Variants in ZNF592 observed in about 807,000 individuals in gnomAD.
The protein encoded by ZNF592 is spinocerebellar ataxia, autosomal recessive 5.
A neutral mutation model predicts 80.3 loss-of-function variants in ZNF592; 11 were observed. The ratio of observed to expected loss-of-function variants is 0.14; its 90% CI spans 0.09 to 0.23. The LOEUF (loss-of-function observed/expected upper bound fraction) is 0.23, where lower values mean the gene tolerates loss of function less well. Among genes scored for constraint, ZNF592 ranks in the 10% least tolerant of loss-of-function variants. ZNF592 has a pLI of 1.00. For synonymous variants in ZNF592, 646 were observed against 640.3 expected (o/e 1.01, Z -0.13); for missense variants, 1,420 against 1,633.9 (o/e 0.87, Z 2.26).
chr15:84,794,747 G>C (rs1962847403), intron 5 of ZNF592, among the ~76,000 whole-genome samples: 1 of 152,198 alleles, frequency 6.6e-6, no homozygotes, highest in Non-Finnish European at 1.5e-5. Flanking sequence ...AAAGTGCTGG[G>C]ATTACAGACG....
Position 84,804,624 on chromosome 15 carries a change from G to A in ZNF592, c.*2231G>A, listed in dbSNP as rs1267730393. 2 of 152,170 alleles carry A rather than the reference G, an allele frequency of 1.3e-5. No homozygotes were observed. Among genetic ancestry groups the A allele is most frequent in the Admixed American group, 1.3e-4 (2 of 15,274 alleles). The allele number at this position is 152,170 out of a possible 1,614,324, so 9.4% of individuals were successfully genotyped here. On this transcript the variant is annotated 3_prime_UTR_variant, in exon 11 of 11. Coordinates refer to ENST00000560079, the MANE Select transcript of ZNF592 (RefSeq NM_014630.3). ...CAACTGGCTTCACAGGCTTTTGTGA[G>A]CTTATGAATGTGAAAGTATTTTCTA... is the stretch of plus-strand genomic sequence containing the variant.
At chr15:84,800,224 G>A (rs1963051457) in intron 10 of ZNF592, among the ~76,000 whole-genome samples, 1 of 152,208 alleles carries the variant, frequency 6.6e-6, no homozygotes, top group South Asian at 2.1e-4. Flanking sequence ...GGCCCCCTCT[G>A]TAGGGGTGTG....
At chr15:84,755,032 C>T (rs1344670785) in intron 1 of ZNF592, among the ~76,000 whole-genome samples, 3 of 137,024 alleles carry the variant, frequency 2.2e-5, no homozygotes, top group African/African-American at 8.0e-5. Context: ...GTGGTGCGAT[C>T]TCAGCTCACT....
chr15:84,784,151 C>A lies in ZNF592; in HGVS notation c.1476C>A (p.Thr492=). The A allele has an allele frequency of 6.2e-7, 1 of 1,614,166 alleles. No individual in the cohort carries two copies. The highest frequency in any genetic ancestry group is 8.5e-7 in the Non-Finnish European group (1 of 1,180,034). ...KQQSTALQAS[T]LAPANLLPKA... ...AGAGCACAGCACTGCAGGCATCCACCCTGGCCCCTGCCAACCTCCTGCCCA... is the reference window on the plus strand; with the variant it reads ...AGAGCACAGCACTGCAGGCATCCACACTGGCCCCTGCCAACCTCCTGCCCA... The change falls in exon 4 of 11, where the codon ACC becomes ACA. Residue 492 remains threonine (T), a synonymous_variant. Coordinates refer to ENST00000560079, the MANE Select transcript of ZNF592 (RefSeq NM_014630.3). This position sits in a 1 kb window ranked among gnomAD's most constrained non-coding sequence, Gnocchi z 5.8.
chr15:84,783,784 C>A lies in ZNF592; in HGVS notation c.1109C>A (p.Pro370Gln), dbSNP rs767783875. The A allele has an allele frequency of 6.2e-7, 1 of 1,614,228 alleles. No homozygotes were observed. The highest frequency in any genetic ancestry group is 8.5e-7 in the Non-Finnish European group (1 of 1,180,030). The change falls in exon 4 of 11, where the codon CCA (proline) becomes CAA (glutamine). Residue 370 changes from proline (P) to glutamine (Q), a missense_variant. Around this residue, in one of 7 missense-constraint regions of ZNF592, gnomAD observed 524 missense variants for 628.3 expected, o/e 0.83. Transcript: ENST00000560079. The surrounding 1 kb of genome is among the most constrained non-coding windows in gnomAD (Gnocchi z 5.0). ...CCGTCTGTGGCTGCCAGCTCCCCACCAGCAATTCCCAAAGTGAGAATCAAA... is the reference window on the plus strand; with the variant it reads ...CCGTCTGTGGCTGCCAGCTCCCCACAAGCAATTCCCAAAGTGAGAATCAAA... ...GSPSVAASSP[P>Q]AIPKVRIKTI... is the part of the protein sequence containing the mutation.
intron 2 of ZNF592, among the ~76,000 whole-genome samples, chr15:84,770,100 G>A (rs538939295): frequency 6.9e-4 from 105 of 152,322 alleles, no homozygotes; most frequent in African/African-American, 2.5e-3. Flanking sequence ...AATATATTTT[G>A]AAGGTTGAGT....
chr15:84,758,775 AG>A (rs1899259273), intron 1 of ZNF592, among the ~76,000 whole-genome samples: 1 of 150,238 alleles, frequency 6.7e-6, no homozygotes, highest in African/African-American at 2.4e-5. Flanking sequence ...AAAAAAAAAA[AG>A]CTGGGCATAG....
At chr15:84,774,535 C>T (rs539253769) in intron 2 of ZNF592, among the ~76,000 whole-genome samples, 1 of 152,162 alleles carries the variant, frequency 6.6e-6, no homozygotes, top group Non-Finnish European at 1.5e-5. Context: ...AAGCATAAAT[C>T]ACTAGTCCAA....
Position 84,783,864 on chromosome 15 carries a change from G to A in ZNF592, c.1189G>A (p.Asp397Asn). Residue 397 changes from aspartate (D) to asparagine (N), a missense_variant, in exon 4 of 11, where the codon GAT (aspartate) becomes AAT (asparagine). Transcript: ENST00000560079. The surrounding 1 kb of genome is among the most constrained non-coding windows in gnomAD (Gnocchi z 5.0). The stretch of plus-strand genomic sequence containing the variant: ...ACGGACTGTCACAAGGATCCTGCCA[G>A]ATCCTGATGATCCAAGTAAGTCCCC... Reference protein sequence around the residue: ...IKRTVTRILPDPDDPSKSPVG... With the variant: ...IKRTVTRILPNPDDPSKSPVG... 6.2e-7 allele frequency: 1 copy of A among 1,614,228 alleles called. No homozygotes were observed. Among genetic ancestry groups the A allele is most frequent in the Non-Finnish European group, 8.5e-7 (1 of 1,180,032 alleles).
At chr15:84,791,261 T>G (rs1435212127) in intron 5 of ZNF592, among the ~76,000 whole-genome samples, 1 of 152,222 alleles carries the variant, frequency 6.6e-6, no homozygotes, top group Non-Finnish European at 1.5e-5. Flanking sequence ...TACTTGGAAA[T>G]GTTTGCAGGT....
intron 2 of ZNF592, among the ~76,000 whole-genome samples, chr15:84,773,699 G>A (rs962588832): frequency 1.3e-4 from 20 of 151,440 alleles, no homozygotes; most frequent in African/African-American, 4.9e-4. Flanking sequence ...AAACCTATAA[G>A]TTAGTTATAC....
chr15:84,799,802 G>A lies in ZNF592; in HGVS notation c.3138-40G>A. On this transcript the variant is annotated intron_variant, in intron 9 of 10. Transcript: ENST00000560079. The surrounding 1 kb of genome is among the most constrained non-coding windows in gnomAD (Gnocchi z 4.2). ...GTGAATAGCACTGAGGGAGCCTGCG[G>A]CCCGGGCACTTACCTGACCTCTCCG... 6.2e-7 allele frequency: 1 copy of A among 1,612,288 alleles called. No individual in the cohort carries two copies. The highest frequency in any genetic ancestry group is 1.3e-5 in the African/African-American group (1 of 75,052).
chr15:84,787,323 C>G (rs556833823), intron 4 of ZNF592, among the ~76,000 whole-genome samples: 2 of 152,314 alleles, frequency 1.3e-5, no homozygotes, highest in South Asian at 4.1e-4. Context: ...TATCAGGCCT[C>G]TCTCAGCCAG....
intron 1 of ZNF592, among the ~76,000 whole-genome samples, chr15:84,750,485 AGT>A (rs1898983215): frequency 6.6e-6 from 1 of 152,208 alleles, no homozygotes; most frequent in African/African-American, 2.4e-5. Flanking sequence ...TCTGTTAAAA[AGT>A]GTGAAATGCT....
chr15:84,796,978 C>G (rs55691012), intron 5 of ZNF592, among the ~76,000 whole-genome samples: 2,308 of 152,202 alleles, frequency 0.015, 62 homozygotes, highest in African/African-American at 0.052. Context: ...CCGCTCCCCC[C>G]CAAGAGACAG....
At chr15:84,776,396 T>C (rs1045945863) in intron 2 of ZNF592, among the ~76,000 whole-genome samples, 1 of 152,272 alleles carries the variant, frequency 6.6e-6, no homozygotes, top group African/African-American at 2.4e-5. Context: ...AACTAAGTTA[T>C]TCTGTTGATT....
chr15:84,805,653 CA>C lies in ZNF592; in HGVS notation c.*3262del, dbSNP rs1208859641. 6.6e-6 allele frequency: 1 copy of C among 152,584 alleles called. No individual in the cohort carries two copies. The highest frequency in any genetic ancestry group is 1.5e-5 in the Non-Finnish European group (1 of 68,028). The allele number at this position is 152,584 out of a possible 1,614,324, so 9.5% of individuals were successfully genotyped here. ...TTTGATAATTGTGGCCCAGTAAGCT[CA>C]ACACTTTGCCTTCCCCAAGACTGGG... On this transcript the variant is annotated 3_prime_UTR_variant, in exon 11 of 11. Coordinates refer to ENST00000560079, the MANE Select transcript of ZNF592 (RefSeq NM_014630.3).
At chr15:84,757,074 G>T (rs1051983488) in intron 1 of ZNF592, among the ~76,000 whole-genome samples, 2 of 152,072 alleles carry the variant, frequency 1.3e-5, no homozygotes, top group African/African-American at 2.4e-5. Context: ...CATTACGCCA[G>T]TGTACTCTGG....
At position 84,783,765 on chromosome 15, in the gene ZNF592, G is replaced by C. The variant is rs1962495401; in HGVS notation, c.1090G>C (p.Val364Leu). 1 of 1,614,130 alleles carries C rather than the reference G, an allele frequency of 6.2e-7. No homozygotes were observed. Among genetic ancestry groups the C allele is most frequent in the African/African-American group, 1.3e-5 (1 of 74,950 alleles). ...SDSSSKGSPS[V>L]AASSPPAIPK... ...CAGCAGCAGCAAAGGCTCACCGTCT[G>C]TGGCTGCCAGCTCCCCACCAGCAAT... Residue 364 changes from valine (V) to leucine (L), a missense_variant, in exon 4 of 11, where the codon GTG becomes CTG. Transcript: ENST00000560079. The surrounding 1 kb of genome is among the most constrained non-coding windows in gnomAD (Gnocchi z 5.0).
Sources: allele counts gnomAD v4.1 joint callset (sites outside exome capture counted in the v4.1 genomes callset), GRCh38; gene constraint gnomAD v4.1.1; regional missense constraint gnomAD v4.1.1; non-coding constraint Gnocchi (gnomAD v3.1); transcripts MANE v1.5; gene names NCBI Gene and HGNC (gene_info 2026-07-23, HGNC 2026-07-21).